DDX17: variants seen among roughly 807,000 people sequenced by gnomAD.
DDX17 encodes probable ATP-dependent RNA helicase DDX17.
In DDX17, 10 loss-of-function variants were observed where a neutral mutation model predicts 80.8. That is an observed-to-expected ratio of 0.12 (90% CI 0.08 to 0.21). The LOEUF is 0.21. DDX17 is among the 10% of genes least tolerant of loss of function. DDX17 has a pLI of 1.00. For missense variants in DDX17, 586 were observed against 957.4 expected (o/e 0.61, Z 5.12); for synonymous variants, 339 against 336.2 (o/e 1.01, Z -0.09).
rs553865113 is a variant in DDX17, at chr22:38,488,953, G to C, written c.1448-838C>G. The C allele has an allele frequency of 1.6e-5, 16 of 985,408 alleles. No individual in the cohort carries two copies. The South Asian group carries it at 6.1e-4, about 38-fold the overall frequency. 61.0% of individuals were successfully genotyped at this position (985,408 alleles called of 1,614,324 possible). On this transcript the variant is annotated intron_variant, in intron 11 of 12. Transcript: ENST00000403230. ...TAGCCAAAGAACGTGGGAAAACCATGAAACCTTGAGACACAAGTTTAGTAT... is the reference window on the plus strand; with the variant it reads ...TAGCCAAAGAACGTGGGAAAACCATCAAACCTTGAGACACAAGTTTAGTAT...
At chr22:38,499,646 T>G in intron 2 of DDX17, 147 bp from the exon 3 acceptor site, 1 of 643,658 alleles carries the variant, frequency 1.6e-6, no homozygotes, top group Non-Finnish European at 2.7e-6. Context: ...TGTATCACTT[T>G]AACTCTGCAA....
At chr22:38,493,443 T>C (rs61334341) in intron 10 of DDX17, 4 of 357,672 alleles carry the variant, frequency 1.1e-5, no homozygotes, top group East Asian at 9.8e-5. Flanking sequence ...CGCCTCAGCC[T>C]CCCAAAGTGT....
chr22:38,497,994 GA>G (rs1222039651), intron 5 of DDX17, 90 bp downstream of exon 5: 1 of 1,211,498 alleles, frequency 8.3e-7, no homozygotes, highest in Non-Finnish European at 1.2e-6. Context: ...GTGTGGTTAA[GA>G]GTACAAATGG....
chr22:38,498,999 TGA>T (rs1277073434), intron 3 of DDX17, among the ~76,000 whole-genome samples: 8 of 152,114 alleles, frequency 5.3e-5, no homozygotes, highest in African/African-American at 1.7e-4. Context: ...GTGACAACGT[TGA>T]GACTCCGTTT....
chr22:38,493,924 G>A lies in DDX17; in HGVS notation c.1325+97C>T. On this transcript the variant is annotated intron_variant, in intron 9 of 12. Transcript: ENST00000403230. ...ATTAAAAGAGCAAACTGCATGGATA[G>A]GCATTATTGAAATATTACACAACAT... is the stretch of plus-strand genomic sequence containing the variant. 5 of 1,193,378 alleles carry A rather than the reference G, an allele frequency of 4.2e-6. No individual in the cohort carries two copies. The Middle Eastern group carries it at 5.9e-4, about 140-fold the overall frequency. The allele number at this position is 1,193,378 out of a possible 1,614,324, so 73.9% of individuals were successfully genotyped here.
rs2089736358 is a variant in DDX17, at chr22:38,493,879, A to G, written c.1326-108T>C. Reference sequence around the variant, plus strand: ...ATTTTTGTAAGGTTTGTCAGGCTTCATGAATAGATGACTGTGCTCATTAAA... The same window carrying G: ...ATTTTTGTAAGGTTTGTCAGGCTTCGTGAATAGATGACTGTGCTCATTAAA... On this transcript the variant is annotated intron_variant, in intron 9 of 12. Transcript: ENST00000403230. 3 of 1,262,708 alleles carry G rather than the reference A, an allele frequency of 2.4e-6. No homozygotes were observed. In the South Asian group the frequency reaches 3.7e-5, roughly 16 times the overall value. The allele number at this position is 1,262,708 out of a possible 1,614,324, so 78.2% of individuals were successfully genotyped here. A position where few individuals can be genotyped will look rare whatever the true frequency, so the allele number is the denominator to read the frequency against.
rs924826865 is a variant in DDX17 at position 38,502,257 on chromosome 22, CAA to C, written c.288-979_288-978del. On this transcript the variant is annotated intron_variant, in intron 1 of 12. Transcript: ENST00000403230. Reference sequence around the variant, plus strand: ...GAAACCCTGTCTCTTACTAAAAACACAAAAGAGTAGCCAGGCGTGGTGGTGCA... The same window carrying C: ...GAAACCCTGTCTCTTACTAAAAACACAAGAGTAGCCAGGCGTGGTGGTGCA... Among the ~76,000 whole-genome samples, 12 of 152,010 alleles carry C rather than the reference CAA, an allele frequency of 7.9e-5. No individual in the cohort carries two copies. In the South Asian group the frequency reaches 1.9e-3, roughly 24 times the overall value.
At position 38,489,871 on chromosome 22, in the gene DDX17, G is replaced by T. The variant is rs918515115; in HGVS notation, c.1448-1756C>A. On this transcript the variant is annotated intron_variant, in intron 11 of 12. Coordinates refer to ENST00000403230, the MANE Select transcript of DDX17 (RefSeq NM_006386.5). This position sits in a 1 kb window ranked among gnomAD's most constrained non-coding sequence, Gnocchi z 4.6. ...AGGGGGTGGGGAATTCTACTCCATGGTATCTTCAGAGCTAGGATAATGCTC... is the reference window on the plus strand; with the variant it reads ...AGGGGGTGGGGAATTCTACTCCATGTTATCTTCAGAGCTAGGATAATGCTC... The T allele has an allele frequency of 2.0e-6, 2 of 985,972 alleles. No individual in the cohort carries two copies. The highest frequency in any genetic ancestry group is 2.4e-6 in the Non-Finnish European group (2 of 830,366). 61.1% of individuals were successfully genotyped at this position (985,972 alleles called of 1,614,324 possible).
At chr22:38,496,822 T>C (rs558852825) in intron 5 of DDX17, among the ~76,000 whole-genome samples, 2 of 152,292 alleles carry the variant, frequency 1.3e-5, no homozygotes, top group East Asian at 1.9e-4. Flanking sequence ...CAAGGTATCA[T>C]ATACCATTCA....
At chr22:38,498,312 A>G (rs1355976700) in intron 4 of DDX17, 128 bp downstream of exon 4, 4 of 1,425,080 alleles carry the variant, frequency 2.8e-6, no homozygotes, top group Admixed American at 4.5e-5. Context: ...ATGCTTCCAT[A>G]TATTTAATAA....
At chr22:38,500,903 G>A (rs1468486619) in intron 2 of DDX17, among the ~76,000 whole-genome samples, 1 of 147,572 alleles carries the variant, frequency 6.8e-6, no homozygotes, top group Non-Finnish European at 1.5e-5. Context: ...AGCTGAGGCA[G>A]GTAGTTTGCT....
chr22:38,498,832 C>T (rs1012173357), intron 3 of DDX17, among the ~76,000 whole-genome samples: 4 of 152,158 alleles, frequency 2.6e-5, no homozygotes, highest in African/African-American at 9.7e-5. Context: ...GCCTGGTCAA[C>T]ATGGTGAACC....
At chr22:38,504,320 A>C (rs1209286537) in intron 1 of DDX17, among the ~76,000 whole-genome samples, 1 of 152,188 alleles carries the variant, frequency 6.6e-6, no homozygotes, top group African/African-American at 2.4e-5. Flanking sequence ...GAATACCCAC[A>C]ATTTATGGAG....
intron 1 of DDX17, 194 bp downstream of exon 1, chr22:38,505,757 G>C: frequency 3.1e-6 from 2 of 652,178 alleles, no homozygotes; most frequent in Non-Finnish European, 4.9e-6. Context: ...GCGTCGCCAA[G>C]CGGCCGCCCT....
At position 38,492,239 on chromosome 22, in the gene DDX17, G is replaced by GT. The variant is rs879394845; in HGVS notation, c.1388-125dup. On this transcript the variant is annotated intron_variant, in intron 10 of 12. Transcript: ENST00000403230. ...TCCCAAGCTCTTGTAATGACTGACA[G>GT]TGATTCTTTTGAAAATCTTTATTAC... 5.3e-4 allele frequency: 370 copies of GT among 697,304 alleles called. 2 individuals carry two copies. In the African/African-American group the frequency reaches 5.9e-3, roughly 11 times the overall value. The allele number at this position is 697,304 out of a possible 1,614,324, so 43.2% of individuals were successfully genotyped here.
rs1485105634 is a variant in DDX17, at chr22:38,486,379, A to T, written c.1746T>A (p.Asp582Glu). The T allele has an allele frequency of 6.2e-7, 1 of 1,613,928 alleles. No individual in the cohort carries two copies. The highest frequency in any genetic ancestry group is 1.3e-5 in the African/African-American group (1 of 74,916). Residue 582 changes from aspartate to glutamate, a missense_variant, in exon 13 of 13, where the codon GAT (aspartate) becomes GAA (glutamate). Transcript: ENST00000403230. ...CTCCTCGAAGCCTTCGGTCACACTC[A>T]TCCTGATACATCAGATTGGGATTGT...
Position 38,486,033 on chromosome 22 carries a change from C to G in DDX17, c.2092G>C (p.Ala698Pro). ...ATATTGGTAGCTCCCGGAGGCTGTG[C>G]AAACTGTTGTGACATCAGTGGCTGT... The change falls in exon 13 of 13, where the codon GCA (alanine) becomes CCA (proline). Residue 698 changes from alanine (A) to proline (P), a missense_variant. Transcript: ENST00000403230. 6.2e-7 allele frequency: 1 copy of G among 1,614,008 alleles called. No homozygotes were observed. Among genetic ancestry groups the G allele is most frequent in the Non-Finnish European group, 8.5e-7 (1 of 1,180,002 alleles).
chr22:38,490,113 C>T (rs2089698554), intron 11 of DDX17: 2 of 1,141,924 alleles, frequency 1.8e-6, no homozygotes, highest in Admixed American at 8.4e-5. Context: ...GCATGCACAG[C>T]TGGATGGGGG....
intron 1 of DDX17, chr22:38,505,296 T>TAA (rs2089869565): frequency 6.6e-6 from 1 of 152,184 alleles, no homozygotes; most frequent in African/African-American, 2.4e-5. Context: ...AGATTAAAAC[T>TAA]AAAGTAACGA....
Sources: gnomAD v4.1 joint callset for allele counts (sites outside exome capture counted in the v4.1 genomes callset) on GRCh38, gnomAD v4.1.1 for gene constraint, Gnocchi (gnomAD v3.1) non-coding constraint, MANE v1.5 for transcripts, NCBI Gene and HGNC (gene_info 2026-07-23, HGNC 2026-07-21) for gene names.